NAPSA: variants seen among roughly 807,000 people sequenced by gnomAD.
The protein encoded by NAPSA is napsin A aspartic peptidase, also known as napsin-A.
A neutral mutation model predicts 36.7 loss-of-function variants in NAPSA; 37 were observed. The ratio of observed to expected loss-of-function variants is 1.01; its 90% CI spans 0.78 to 1.33. The LOEUF is 1.33. Among genes scored for constraint, NAPSA ranks in the 40% most tolerant of loss-of-function variants. The pLI is 0.00. For synonymous variants in NAPSA, 222 were observed against 234.5 expected (o/e 0.95, Z 0.49); for missense variants, 532 against 543.8 (o/e 0.98, Z 0.21).
rs765416148 is a variant in NAPSA, at chr19:50,360,936, A to C, written c.668+5T>G. 6.2e-7 allele frequency: 1 copy of C among 1,613,224 alleles called. No individual in the cohort carries two copies. The highest frequency in any genetic ancestry group is 1.3e-5 in the African/African-American group (1 of 74,886). On this transcript the variant is annotated splice_donor_5th_base_variant and intron_variant, in intron 5 of 8. Transcript: ENST00000253719. ...ACTCATAGATAGGTGCACACTTCCC[A>C]GTACCTGTTGAGGTAAAAGGAGAAG...
chr19:50,366,793 G>C (rs893703364), upstream of NAPSA, among the ~76,000 whole-genome samples: 1 of 150,688 alleles, frequency 6.6e-6, no homozygotes, highest in African/African-American at 2.4e-5. Context: ...TCAGCCTCCC[G>C]AGTAGCTGGG....
At chr19:50,361,886 C>T in intron 3 of NAPSA, 83 bp downstream of exon 3, 1 of 1,601,132 alleles carries the variant, frequency 6.2e-7, no homozygotes, top group Non-Finnish European at 8.5e-7. Flanking sequence ...AACAGTTCCT[C>T]AAAAGCCTCT....
chr19:50,359,289 C>A, intron 7 of NAPSA, 180 bp from the exon 8 acceptor site: 1 of 842,116 alleles, frequency 1.2e-6, no homozygotes, highest in African/African-American at 1.7e-5. Context: ...GATCGTCTCC[C>A]TCCACCCGGC....
intron 3 of NAPSA, 42 bp from the exon 4 acceptor site, chr19:50,361,823 C>T (rs1225639057): frequency 9.4e-6 from 15 of 1,603,838 alleles, no homozygotes; most frequent in Non-Finnish European, 1.3e-5. Flanking sequence ...GAGGGAATCT[C>T]CCCAGTGCCT....
Position 50,365,541 on chromosome 19 carries a change from G to T in NAPSA, c.81C>A (p.Ile27=). 1.2e-6 allele frequency: 2 copies of T among 1,613,074 alleles called. No individual in the cohort carries two copies. Among genetic ancestry groups the T allele is most frequent in the Non-Finnish European group, 1.7e-6 (2 of 1,179,484 alleles). The change falls in exon 1 of 9, where the codon ATC becomes ATA. Residue 27 remains isoleucine (I), a splice_region_variant and synonymous_variant. Transcript: ENST00000253719. ...GGTGGTAGATGGGGTCACCATACCG[G>T]ATCAGTGTGGCCCCGGAAGGCTCCA... ...LNVEPSGATL[I]RIPLHRVQPG...
At chr19:50,359,991 C>T (rs1055667378) in intron 5 of NAPSA, 129 bp from the exon 6 acceptor site, 12 of 1,232,846 alleles carry the variant, frequency 9.7e-6, no homozygotes, top group Non-Finnish European at 1.4e-5. Flanking sequence ...TAATGGGATG[C>T]AGGAAGGGCC....
chr19:50,361,795 C>CAGAA lies in NAPSA; in HGVS notation c.350-18_350-15dup. On this transcript the variant is annotated splice_polypyrimidine_tract_variant and intron_variant, in intron 3 of 8. Coordinates refer to ENST00000253719, the MANE Select transcript of NAPSA (RefSeq NM_004851.3). The stretch of plus-strand genomic sequence containing the variant: ...GGTGGTGTAACCCTAGGTTAGAGGT[C>CAGAA]AGAAAGGTGTCATGGGGGAGGGAAT... 1 of 1,612,466 alleles carries CAGAA rather than the reference C, an allele frequency of 6.2e-7. No homozygotes were observed. The highest frequency in any genetic ancestry group is 1.3e-5 in the African/African-American group (1 of 74,980).
In NAPSA at chr19:50,358,587, C is replaced by A. The variant is rs576186149; in HGVS notation, c.1229G>T (p.Trp410Leu). The A allele has an allele frequency of 1.7e-4, 272 of 1,610,322 alleles. No homozygotes were observed. The East Asian group carries it at 4.9e-3, about 29-fold the overall frequency. ...RARTRGADLGWGETAQAQFPG is the reference protein window; with the variant it reads ...RARTRGADLGLGETAQAQFPG ...GAACTGCGCCTGCGCAGTCTCTCCC[C>A]ATCCGAGGTCCGCTCCGCGAGTGCG... The change falls in exon 9 of 9, where the codon TGG becomes TTG. Residue 410 changes from tryptophan to leucine, a missense_variant. Physicochemically the swap from Trp to Leu is moderately conservative, Grantham distance 61. Coordinates refer to ENST00000253719, the MANE Select transcript of NAPSA (RefSeq NM_004851.3).
chr19:50,361,449 CT>C (rs1422962239), intron 4 of NAPSA: 5 of 600,254 alleles, frequency 8.3e-6, no homozygotes, highest in African/African-American at 1.9e-5. Flanking sequence ...CTCCTCCCCC[CT>C]GCTTGAGAAG....
chr19:50,360,676 C>A (rs1360855825), intron 5 of NAPSA, among the ~76,000 whole-genome samples: 1 of 152,130 alleles, frequency 6.6e-6, no homozygotes, highest in Admixed American at 6.5e-5. Context: ...GCATTCTGAA[C>A]TGATGGTGGG....
chr19:50,365,647 G>A (rs1004818956), upstream of NAPSA: 9 of 1,577,850 alleles, frequency 5.7e-6, no homozygotes, highest in East Asian at 4.6e-5. Flanking sequence ...TGTGAACCCA[G>A]GTGTCCTGGG....
upstream of NAPSA, chr19:50,365,801 G>A (rs2037542759): frequency 2.8e-5 from 15 of 528,592 alleles, 1 homozygote; most frequent in South Asian, 3.5e-4. Context: ...ATTTTTGTAG[G>A]GTTGGCAGAA....
At chr19:50,366,552 G>T (rs1399291088), upstream of NAPSA, among the ~76,000 whole-genome samples, 1 of 152,144 alleles carries the variant, frequency 6.6e-6, no homozygotes, top group Non-Finnish European at 1.5e-5. Context: ...TCAAGGATTG[G>T]TCCTTGGTGG....
At chr19:50,364,918 G>C (rs551715852) in intron 1 of NAPSA, among the ~76,000 whole-genome samples, 1 of 150,362 alleles carries the variant, frequency 6.7e-6, no homozygotes, top group Non-Finnish European at 1.5e-5. Context: ...CTTGAACCCG[G>C]GAGGCAGAGG....
upstream of NAPSA, among the ~76,000 whole-genome samples, chr19:50,368,157 CAAAAAAA>C (rs56938224): frequency 8.1e-4 from 52 of 64,200 alleles, no homozygotes; most frequent in East Asian, 5.6e-3. Flanking sequence ...GACTCCCTCT[CAAAAAAA>C]AAAAAAAAAA....
Position 50,363,967 on chromosome 19 carries a change from T to G in NAPSA, c.83+1572A>C, listed in dbSNP as rs922597146. On this transcript the variant is annotated intron_variant, in intron 1 of 8. Transcript: ENST00000253719. ...GAAGATGGGAGGAGTGTGTCACAGG[T>G]CTGGAAACCACAGTACCTAATCATC... 7.9e-5 allele frequency among the ~76,000 whole-genome samples: 12 copies of G among 152,014 alleles called. 1 individual carries two copies. The highest frequency in any genetic ancestry group is 2.4e-4 in the African/African-American group (10 of 41,368).
At chr19:50,361,205 T>C in intron 4 of NAPSA, 65 bp from the exon 5 acceptor site, 1 of 1,402,620 alleles carries the variant, frequency 7.1e-7, no homozygotes, top group Non-Finnish European at 1.0e-6. Context: ...TCCTGAGGTC[T>C]CCCAAACCAA....
Position 50,359,568 on chromosome 19 carries a change from C to T in NAPSA, c.871G>A (p.Gly291Arg), listed in dbSNP as rs1160247531. ...ILDTGTSLITGPTEEIRALHA... is the reference protein window; with the variant it reads ...ILDTGTSLITRPTEEIRALHA... The stretch of plus-strand genomic sequence containing the variant: ...AGGGCCCGGATCTCCTCAGTGGGTC[C>T]TGTGATGAGGGACGTGCCCGTATCC... The change falls in exon 7 of 9, where the codon GGA becomes AGA. Residue 291 changes from glycine to arginine, a missense_variant. Transcript: ENST00000253719. 1 of 1,614,234 alleles carries T rather than the reference C, an allele frequency of 6.2e-7. No homozygotes were observed. The highest frequency in any genetic ancestry group is 8.5e-7 in the Non-Finnish European group (1 of 1,180,054).
intron 4 of NAPSA, 69 bp from the exon 5 acceptor site, chr19:50,361,209 A>C (rs1247115612): frequency 7.4e-6 from 10 of 1,348,812 alleles, no homozygotes; most frequent in Non-Finnish European, 1.1e-5. Context: ...GAGGTCTCCC[A>C]AACCAAGGCA....
Sources: gnomAD v4.1 joint callset for allele counts (sites outside exome capture counted in the v4.1 genomes callset) on GRCh38, gnomAD v4.1.1 for gene constraint, MANE v1.5 for transcripts, NCBI Gene and HGNC (gene_info 2026-07-23, HGNC 2026-07-21) for gene names.